Variants in RICTOR observed in about 807,000 individuals in gnomAD.
RICTOR encodes rapamycin-insensitive companion of mTOR.
RICTOR carries 49 observed loss-of-function variants against 214.9 expected under a neutral mutation model. The ratio of observed to expected loss-of-function variants is 0.23; its 90% CI spans 0.18 to 0.29. The LOEUF (loss-of-function observed/expected upper bound fraction) is 0.29. Ranked by LOEUF, RICTOR falls within the 10% of genes least tolerant of loss-of-function variation. RICTOR has a pLI of 1.00. For missense variants in RICTOR, 1,625 were observed against 2,047.0 expected (o/e 0.79, Z 3.98); for synonymous variants, 717 against 711.3 (o/e 1.01, Z -0.13).
At chr5:38,978,466 T>C (rs1027790649) in intron 9 of RICTOR, 117 bp downstream of exon 9, 5 of 429,018 alleles carry the variant, frequency 1.2e-5, no homozygotes, top group African/African-American at 2.0e-5. Context: ...TTCTATAAAA[T>C]AGAAAATTTA....
intron 34 of RICTOR, 152 bp downstream of exon 34, chr5:38,945,339 C>T: frequency 1.6e-6 from 1 of 626,956 alleles, no homozygotes; most frequent in Non-Finnish European, 2.8e-6. Context: ...AGAGGATCAG[C>T]ATCTCAGCAT....
intron 3 of RICTOR, among the ~76,000 whole-genome samples, chr5:39,014,773 T>C (rs1403088925): frequency 6.6e-6 from 1 of 152,202 alleles, no homozygotes; most frequent in Non-Finnish European, 1.5e-5. Flanking sequence ...GACATTCACA[T>C]GGTTAAAGGA....
At position 39,011,316 on chromosome 5, in the gene RICTOR, C is replaced by T. The variant is rs540685767; in HGVS notation, c.196-7694G>A. ...TGGGAACCTCCATCTAGATTTCAGA[C>T]GGTGTATGAAAATGCTTGCATGTCC... On this transcript the variant is annotated intron_variant, in intron 3 of 37. Coordinates refer to ENST00000357387, the MANE Select transcript of RICTOR (RefSeq NM_152756.5). Among the ~76,000 whole-genome samples, 54 of 152,272 alleles carry T rather than the reference C, an allele frequency of 3.5e-4. 1 individual carries two copies. The highest frequency in any genetic ancestry group is 3.4e-3 in the Middle Eastern group (1 of 294).
chr5:39,003,690 T>A, intron 3 of RICTOR, 68 bp from the exon 4 acceptor site: 1 of 871,376 alleles, frequency 1.1e-6, no homozygotes, highest in South Asian at 1.7e-5. Context: ...ATACATTATA[T>A]ATTTACACTG....
chr5:38,996,061 T>C (rs959220921), intron 6 of RICTOR, among the ~76,000 whole-genome samples: 6 of 152,240 alleles, frequency 3.9e-5, no homozygotes, highest in Admixed American at 2.0e-4. Context: ...GTGTACTGAG[T>C]TGAAAGATAG....
intron 7 of RICTOR, among the ~76,000 whole-genome samples, chr5:38,985,730 C>T (rs1395258154): frequency 1.3e-5 from 2 of 151,658 alleles, no homozygotes; most frequent in African/African-American, 2.4e-5. Flanking sequence ...GAGTCTCGCA[C>T]TGTCACCCAG....
rs916734222 is a variant in RICTOR at position 38,941,486 on chromosome 5, T to C, written c.*818A>G. The C allele has an allele frequency of 8.6e-6, 2 of 231,588 alleles. No individual in the cohort carries two copies. The highest frequency in any genetic ancestry group is 8.6e-6 in the Non-Finnish European group (1 of 116,768). The allele number at this position is 231,588 out of a possible 1,614,324, so 14.3% of individuals were successfully genotyped here. A position where few individuals can be genotyped will look rare whatever the true frequency, so the allele number is the denominator to read the frequency against. On this transcript the variant is annotated 3_prime_UTR_variant, in exon 38 of 38. Coordinates refer to ENST00000357387, the MANE Select transcript of RICTOR (RefSeq NM_152756.5). ...CAAGTTCCTGTTTAAAGCGATGAGATGGAAAGTTGATGAAAGTGGAAGTCC... is the reference window on the plus strand; with the variant it reads ...CAAGTTCCTGTTTAAAGCGATGAGACGGAAAGTTGATGAAAGTGGAAGTCC...
At chr5:39,039,255 C>A (rs1756982861) in intron 2 of RICTOR, among the ~76,000 whole-genome samples, 1 of 152,098 alleles carries the variant, frequency 6.6e-6, no homozygotes, top group Non-Finnish European at 1.5e-5. Context: ...GGAAAACTGG[C>A]TAGCCATATG....
At chr5:39,006,914 A>G (rs761885517) in intron 3 of RICTOR, among the ~76,000 whole-genome samples, 1 of 152,188 alleles carries the variant, frequency 6.6e-6, no homozygotes, top group African/African-American at 2.4e-5. Context: ...AAGAGGCCTC[A>G]GACTTTCAAA....
intron 36 of RICTOR, chr5:38,943,195 A>G (rs576557225): frequency 2.5e-6 from 1 of 405,236 alleles, no homozygotes; most frequent in Admixed American, 3.9e-5. Flanking sequence ...AAACCTGAAT[A>G]CTTCTTGTAA....
intron 2 of RICTOR, among the ~76,000 whole-genome samples, chr5:39,040,018 G>A (rs147169515): frequency 0.046 from 7,024 of 152,138 alleles, 260 homozygotes; most frequent in Middle Eastern, 0.071. Flanking sequence ...ACATGCACAC[G>A]TATGTTTACT....
intron 2 of RICTOR, among the ~76,000 whole-genome samples, chr5:39,032,724 T>A (rs945242880): frequency 7.2e-5 from 11 of 152,168 alleles, no homozygotes; most frequent in African/African-American, 2.7e-4. Flanking sequence ...AAAACTGAAG[T>A]GCAATTAACC....
At chr5:38,944,791 TA>T in intron 35 of RICTOR, 121 bp downstream of exon 35, 1 of 1,024,360 alleles carries the variant, frequency 9.8e-7, no homozygotes, top group Non-Finnish European at 1.5e-6. Flanking sequence ...ATTGCTTCAC[TA>T]AAATGGACGT....
chr5:39,029,644 T>C (rs1756115254), intron 2 of RICTOR, among the ~76,000 whole-genome samples: 1 of 152,128 alleles, frequency 6.6e-6, no homozygotes, highest in African/African-American at 2.4e-5. Context: ...ACCTTTGGAA[T>C]AAAAAAGAAC....
chr5:39,021,523 A>G (rs1050723853), intron 2 of RICTOR, among the ~76,000 whole-genome samples: 3 of 152,292 alleles, frequency 2.0e-5, no homozygotes, highest in Non-Finnish European at 2.9e-5. Context: ...ATTGTTAAGG[A>G]GGAAATGGGT....
rs572631004 is a variant in RICTOR, at chr5:38,997,795, C to T, written c.393-913G>A. Among the ~76,000 whole-genome samples, 158 of 152,296 alleles carry T rather than the reference C, an allele frequency of 1.0e-3. 1 individual carries two copies. The highest frequency in any genetic ancestry group is 0.01 in the Middle Eastern group (3 of 294). On this transcript the variant is annotated intron_variant, in intron 5 of 37. Coordinates refer to ENST00000357387, the MANE Select transcript of RICTOR (RefSeq NM_152756.5). ...CTGTCAATGTCAATCCCTGGTCTTA[C>T]GGGCAGAGTCCTAACAGAAAGCAGA... is the stretch of plus-strand genomic sequence containing the variant.
At chr5:38,957,780 A>G (rs186403225) in intron 24 of RICTOR, 50 bp from the exon 25 acceptor site, 11 of 986,012 alleles carry the variant, frequency 1.1e-5, no homozygotes, top group Non-Finnish European at 1.7e-5. Flanking sequence ...GCAAAAACGT[A>G]TCTTAAGAAG....
chr5:38,975,432 G>C lies in RICTOR; in HGVS notation c.889+105C>G, dbSNP rs565341277. 2.8e-5 allele frequency: 21 copies of C among 759,806 alleles called. No homozygotes were observed. The South Asian group carries it at 3.0e-4, about 11-fold the overall frequency. 47.1% of individuals were successfully genotyped at this position (759,806 alleles called of 1,614,324 possible). On this transcript the variant is annotated intron_variant, in intron 10 of 37. Transcript: ENST00000357387. ...GTTCTAATAATAATATACAAAGTAA[G>C]ACTAGATTAGCATCTGAATTAGGTG... is the stretch of plus-strand genomic sequence containing the variant.
intron 2 of RICTOR, among the ~76,000 whole-genome samples, chr5:39,069,666 C>A (rs749760518): frequency 2.3e-4 from 35 of 152,166 alleles, no homozygotes; most frequent in Non-Finnish European, 4.0e-4. Flanking sequence ...TTAGATAATT[C>A]TTCCATTTTA....
Sources: allele counts gnomAD v4.1 joint callset (sites outside exome capture counted in the v4.1 genomes callset), GRCh38; gene constraint gnomAD v4.1.1; transcripts MANE v1.5; gene names NCBI Gene and HGNC (gene_info 2026-07-23, HGNC 2026-07-21).